SLAIN2: variants seen among roughly 807,000 people sequenced by gnomAD.
SLAIN2 encodes the protein SLAIN motif-containing protein 2.
In SLAIN2, 31 loss-of-function variants were observed where a neutral mutation model predicts 56.6. The observed-to-expected ratio is 0.55, with a 90% CI of 0.41 to 0.74. The LOEUF is 0.74. Ranked by LOEUF, SLAIN2 falls within the 30% of genes least tolerant of loss-of-function variation. The probability of loss-of-function intolerance (pLI) is 0.00; values close to 1 mark genes in which losing one functional copy is unlikely to be tolerated. For synonymous variants in SLAIN2, 317 were observed against 284.9 expected, an observed-to-expected ratio of 1.11 and a Z score of -1.13; for missense variants, 777 against 754.2, an observed-to-expected ratio of 1.03 and a Z score of -0.35.
chr4:48,410,479 C>T (rs1381305498), intron 6 of SLAIN2, among the ~76,000 whole-genome samples: 1 of 152,114 alleles, frequency 6.6e-6, no homozygotes, highest in Non-Finnish European at 1.5e-5. Flanking sequence ...GGGTCATGCT[C>T]ATAGTGTCAT....
chr4:48,361,448 G>A (rs1577713158), intron 1 of SLAIN2, among the ~76,000 whole-genome samples: 1 of 152,172 alleles, frequency 6.6e-6, no homozygotes, highest in East Asian at 1.9e-4. Context: ...GGTCTCTAGA[G>A]CTGTGGGGAT....
At chr4:48,347,702 C>T (rs1264093948) in intron 1 of SLAIN2, among the ~76,000 whole-genome samples, 1 of 152,176 alleles carries the variant, frequency 6.6e-6, no homozygotes, top group Admixed American at 6.5e-5. Context: ...GCAATCATCG[C>T]CACCATCCAT....
intron 6 of SLAIN2, among the ~76,000 whole-genome samples, chr4:48,388,863 C>G (rs1422771827): frequency 6.6e-6 from 1 of 152,124 alleles, no homozygotes; most frequent in South Asian, 2.1e-4. Flanking sequence ...TTTAGCCAAA[C>G]AAAAGAATAT....
At chr4:48,373,858 T>C (rs1715732427) in intron 2 of SLAIN2, among the ~76,000 whole-genome samples, 1 of 152,070 alleles carries the variant, frequency 6.6e-6, no homozygotes, top group Non-Finnish European at 1.5e-5. Flanking sequence ...CTGACCAACA[T>C]GGAGAAACCC....
At chr4:48,356,328 T>C (rs2109739802) in intron 1 of SLAIN2, among the ~76,000 whole-genome samples, 1 of 152,334 alleles carries the variant, frequency 6.6e-6, no homozygotes, top group Admixed American at 6.5e-5. Flanking sequence ...GTGTTTTCTA[T>C]GGACTAAAAA....
chr4:48,353,535 A>G (rs536599037), intron 1 of SLAIN2, among the ~76,000 whole-genome samples: 1 of 152,272 alleles, frequency 6.6e-6, no homozygotes, highest in East Asian at 1.9e-4. Context: ...CCGTGGGTTA[A>G]ACTCTCCACG....
chr4:48,393,537 C>T (rs187006456), intron 6 of SLAIN2, among the ~76,000 whole-genome samples: 3 of 152,262 alleles, frequency 2.0e-5, no homozygotes, highest in East Asian at 3.9e-4. Flanking sequence ...GCATGAACCA[C>T]CTCACTTGGC....
intron 1 of SLAIN2, among the ~76,000 whole-genome samples, chr4:48,348,188 A>C (rs767237953): frequency 3.3e-5 from 5 of 152,308 alleles, no homozygotes; most frequent in African/African-American, 9.6e-5. Context: ...GAGGCAGGCA[A>C]ATTTTGTTTT....
At chr4:48,342,711 C>CT (rs761272695) in intron 1 of SLAIN2, among the ~76,000 whole-genome samples, 18,391 of 64,656 alleles carry the variant, frequency 0.28, 4,223 homozygotes, top group East Asian at 0.45. Context: ...GATGGTGCTG[C>CT]TTTTTTTTTT....
At chr4:48,402,200 A>ATT (rs34736334) in intron 6 of SLAIN2, among the ~76,000 whole-genome samples, 89 of 144,830 alleles carry the variant, frequency 6.1e-4, no homozygotes, top group East Asian at 1.0e-3. Flanking sequence ...GCTGCCCTTA[A>ATT]TTTTTTTTTT....
intron 1 of SLAIN2, among the ~76,000 whole-genome samples, chr4:48,362,828 A>G (rs1359695544): frequency 2.0e-5 from 2 of 98,222 alleles, no homozygotes; most frequent in Non-Finnish European, 3.9e-5. Flanking sequence ...TGGCAGGGTC[A>G]TGGGACAATA....
At chr4:48,365,119 A>G (rs1341682580) in intron 1 of SLAIN2, among the ~76,000 whole-genome samples, 1 of 151,810 alleles carries the variant, frequency 6.6e-6, no homozygotes, top group Non-Finnish European at 1.5e-5. Flanking sequence ...TTGGTAAGTT[A>G]TATTTTCTTT....
In SLAIN2 at chr4:48,423,290, A is replaced by G. The variant is rs1371055525; in HGVS notation, c.*1213A>G. On this transcript the variant is annotated 3_prime_UTR_variant, in exon 8 of 8. Coordinates refer to ENST00000264313, the MANE Select transcript of SLAIN2 (RefSeq NM_020846.2). ...GCATTTTTGGTAAAAAAAAAACCCTACTACGTATGACTCTAACCTGATACT... is the reference window on the plus strand; with the variant it reads ...GCATTTTTGGTAAAAAAAAAACCCTGCTACGTATGACTCTAACCTGATACT... The G allele has an allele frequency of 1.3e-5, 2 of 152,004 alleles. No homozygotes were observed. Among genetic ancestry groups the G allele is most frequent in the African/African-American group, 2.4e-5 (1 of 41,386 alleles). The allele number at this position is 152,004 out of a possible 1,614,324, so 9.4% of individuals were successfully genotyped here. A position where few individuals can be genotyped will look rare whatever the true frequency, so the allele number is the denominator to read the frequency against.
chr4:48,421,486 A>G (rs1317190679), intron 7 of SLAIN2, among the ~76,000 whole-genome samples: 1 of 152,164 alleles, frequency 6.6e-6, no homozygotes. Context: ...AATCTTCATA[A>G]TAATATTAAA....
At chr4:48,362,874 A>G (rs1488222735) in intron 1 of SLAIN2, among the ~76,000 whole-genome samples, 2 of 100,532 alleles carry the variant, frequency 2.0e-5, no homozygotes, top group Non-Finnish European at 4.0e-5. Flanking sequence ...AAGTGAACAA[A>G]GGTCTCTGGT....
At chr4:48,397,052 A>T (rs1223562948) in intron 6 of SLAIN2, among the ~76,000 whole-genome samples, 1 of 152,210 alleles carries the variant, frequency 6.6e-6, no homozygotes, top group Non-Finnish European at 1.5e-5. Flanking sequence ...TTAAGACTTC[A>T]TGGAAGTGGC....
chr4:48,390,622 A>G (rs13122065), intron 6 of SLAIN2, among the ~76,000 whole-genome samples: 43,767 of 152,140 alleles, frequency 0.29, 6,563 homozygotes, highest in South Asian at 0.48. Flanking sequence ...TCAGTAAAAA[A>G]TAAATAATAA....
At chr4:48,400,658 C>A (rs1577732498) in intron 6 of SLAIN2, among the ~76,000 whole-genome samples, 1 of 152,062 alleles carries the variant, frequency 6.6e-6, no homozygotes, top group South Asian at 2.1e-4. Context: ...GCCTTGGCCT[C>A]ACAGAATGTT....
chr4:48,377,509 A>C (rs1715853387), intron 2 of SLAIN2, among the ~76,000 whole-genome samples: 1 of 152,084 alleles, frequency 6.6e-6, no homozygotes, highest in South Asian at 2.1e-4. Flanking sequence ...AAAAAGTAAT[A>C]CATTTGTTAC....
Sources: allele counts gnomAD v4.1 joint callset (sites outside exome capture counted in the v4.1 genomes callset), GRCh38; gene constraint gnomAD v4.1.1; transcripts MANE v1.5; gene names NCBI Gene and HGNC (gene_info 2026-07-23, HGNC 2026-07-21).